The following ZNF777 variants were observed in gnomAD, a reference collection of about 807,000 sequenced individuals.
ZNF777 encodes zinc finger protein 777.
In ZNF777, 7 loss-of-function variants were observed where a neutral mutation model predicts 72.1. The observed-to-expected ratio is 0.10, with a 90% CI of 0.06 to 0.18. ZNF777 has a LOEUF of 0.18. ZNF777 is among the 10% of genes least tolerant of loss of function. The probability of loss-of-function intolerance (pLI) is 1.00; values close to 1 mark genes in which losing one functional copy is unlikely to be tolerated. For synonymous variants in ZNF777, 545 were observed against 483.5 expected (o/e 1.13, Z -1.67); for missense variants, 828 against 1,128.6 (o/e 0.73, Z 3.82).
intron 4 of ZNF777, among the ~76,000 whole-genome samples, chr7:149,444,029 A>G (rs776268104): frequency 1.2e-4 from 18 of 151,916 alleles, no homozygotes; most frequent in Non-Finnish European, 2.4e-4. Context: ...TTATATTGCT[A>G]CTCCTTGAGT....
chr7:149,455,691 G>A lies in ZNF777; in HGVS notation c.332C>T (p.Ala111Val), dbSNP rs1184777278. ...GGAGAGAAGGGAGACTTCTTGTTCA[G>A]CAGCAGCTGGGGGTGGATACTGGGT... Reference protein sequence around the residue: ...EGTQYPPPAAAEQEVSLLSHS... With the variant: ...EGTQYPPPAAVEQEVSLLSHS... The change falls in exon 2 of 6, where the codon GCT becomes GTT. Residue 111 changes from alanine (A) to valine (V), a missense_variant. Physicochemically the swap from Ala to Val is moderately conservative, Grantham distance 64. Around this residue, in one of 12 missense-constraint regions of ZNF777, gnomAD observed 222 missense variants for 211.2 expected, o/e 1.05. Transcript: ENST00000247930. The surrounding 1 kb of genome is among the most constrained non-coding windows in gnomAD (Gnocchi z 4.2). 5.7e-6 allele frequency: 9 copies of A among 1,568,556 alleles called. No individual in the cohort carries two copies. The South Asian group carries it at 5.9e-5, about 10-fold the overall frequency.
intron 4 of ZNF777, among the ~76,000 whole-genome samples, chr7:149,442,302 CAG>C (rs1378737508): frequency 2.6e-4 from 38 of 148,084 alleles, no homozygotes; most frequent in African/African-American, 8.1e-4. Flanking sequence ...CACACACACA[CAG>C]ACACACACAC....
At chr7:149,434,622 G>A (rs542655285) in intron 5 of ZNF777, among the ~76,000 whole-genome samples, 4 of 152,180 alleles carry the variant, frequency 2.6e-5, no homozygotes, top group South Asian at 2.1e-4. Flanking sequence ...TGGCTCTATC[G>A]CTCAGGCTGG....
In ZNF777 at chr7:149,460,469, C is replaced by T. The variant is rs1457440630; in HGVS notation, c.-16+346G>A. Among the ~76,000 whole-genome samples the T allele has an allele frequency of 2.0e-5, 3 of 148,524 alleles. No individual in the cohort carries two copies. The highest frequency in any genetic ancestry group is 3.0e-5 in the Non-Finnish European group (2 of 66,830). ...CGGCGGCCCCCGGCCCGCGCGCCGC[C>T]CCTCTGCGGCCGCGGCTGGGACCCC... On this transcript the variant is annotated intron_variant, in intron 1 of 5. Coordinates refer to ENST00000247930, the MANE Select transcript of ZNF777 (RefSeq NM_015694.3). The surrounding 1 kb of genome is among the most constrained non-coding windows in gnomAD (Gnocchi z 6.1).
chr7:149,448,785 G>A (rs957650929), intron 4 of ZNF777, among the ~76,000 whole-genome samples: 4 of 151,628 alleles, frequency 2.6e-5, no homozygotes, highest in Non-Finnish European at 4.4e-5. Flanking sequence ...GGCTTCTCTG[G>A]CCTCCATGGC....
At chr7:149,457,229 C>G (rs921430044) in intron 1 of ZNF777, among the ~76,000 whole-genome samples, 12 of 152,208 alleles carry the variant, frequency 7.9e-5, no homozygotes, top group African/African-American at 2.7e-4. Context: ...GGCGAAGCCA[C>G]GATCTTCTGT....
chr7:149,455,759 C>T lies in ZNF777; in HGVS notation c.264G>A (p.Glu88=). Residue 88 remains glutamate (E), a synonymous_variant, in exon 2 of 6, where the codon GAG becomes GAA. Transcript: ENST00000247930. The surrounding 1 kb of genome is among the most constrained non-coding windows in gnomAD (Gnocchi z 4.2). The part of the protein sequence containing the change: ...GPSLLCSAAS[E]QETSLQGPLA... ...GGGGGCCCTGGAGAGAAGTCTCTTG[C>T]TCAGAAGCGGCAGAACACAGGAGTG... is the stretch of plus-strand genomic sequence containing the variant. The T allele has an allele frequency of 6.3e-7, 1 of 1,597,852 alleles. No individual in the cohort carries two copies. Among genetic ancestry groups the T allele is most frequent in the Non-Finnish European group, 8.5e-7 (1 of 1,171,336 alleles).
intron 3 of ZNF777, among the ~76,000 whole-genome samples, chr7:149,451,583 T>C (rs1485053153): frequency 6.6e-6 from 1 of 151,852 alleles, no homozygotes; most frequent in Non-Finnish European, 1.5e-5. Flanking sequence ...TCCCAGCTAC[T>C]CGGGAGGCTG....
chr7:149,448,830 T>C (rs980664949), intron 4 of ZNF777, among the ~76,000 whole-genome samples: 18 of 147,398 alleles, frequency 1.2e-4, no homozygotes, highest in Admixed American at 9.2e-4. Context: ...TGGGAGCCCC[T>C]GTTCTGAGTA....
intron 5 of ZNF777, among the ~76,000 whole-genome samples, 194 bp from the exon 6 acceptor site, chr7:149,433,126 G>C (rs922404584): frequency 6.6e-6 from 1 of 152,236 alleles, no homozygotes; most frequent in African/African-American, 2.4e-5. Flanking sequence ...GCGTAACCCA[G>C]ACTGGCCTTG....
At chr7:149,438,807 T>A (rs1353746238) in intron 4 of ZNF777, among the ~76,000 whole-genome samples, 1 of 152,160 alleles carries the variant, frequency 6.6e-6, no homozygotes, top group Non-Finnish European at 1.5e-5. Context: ...CTAAGCTGGA[T>A]TCCTTCGGAT....
intron 4 of ZNF777, among the ~76,000 whole-genome samples, chr7:149,449,742 G>C (rs1799681566): frequency 6.6e-6 from 1 of 152,114 alleles, no homozygotes; most frequent in Admixed American, 6.6e-5. Flanking sequence ...GTGCCACACT[G>C]TCACCAATCC....
chr7:149,459,953 C>G, intron 1 of ZNF777: 1 of 937,652 alleles, frequency 1.1e-6, no homozygotes, highest in Non-Finnish European at 1.3e-6. Context: ...TCCCCCACCG[C>G]CCGGGTCAAG....
Position 149,432,387 on chromosome 7 carries a change from C to T in ZNF777, c.1885G>A (p.Gly629Ser). ...PRPKSPSSGS[G>S]GGGPKPYKCP... ...TTGTAGGGCTTAGGGCCACCGCCGC[C>T]GCTACCAGAGCTGGGTGACTTGGGA... Residue 629 changes from glycine (G) to serine (S), a missense_variant, in exon 6 of 6, where the codon GGC (glycine) becomes AGC (serine). Around this residue, in one of 12 missense-constraint regions of ZNF777, gnomAD observed 100 missense variants for 106.2 expected, o/e 0.94. Transcript: ENST00000247930. The T allele has an allele frequency of 6.2e-7, 1 of 1,613,310 alleles. No homozygotes were observed. The highest frequency in any genetic ancestry group is 8.5e-7 in the Non-Finnish European group (1 of 1,179,968).
At chr7:149,448,570 T>C (rs1799654128) in intron 4 of ZNF777, among the ~76,000 whole-genome samples, 3 of 66,444 alleles carry the variant, frequency 4.5e-5, no homozygotes, top group Non-Finnish European at 7.9e-5. Flanking sequence ...TATATAGTTA[T>C]ACATATAACT....
chr7:149,440,124 A>G (rs1187843007), intron 4 of ZNF777, among the ~76,000 whole-genome samples: 1 of 152,244 alleles, frequency 6.6e-6, no homozygotes, highest in East Asian at 1.9e-4. Flanking sequence ...CATGATCATC[A>G]AAAACTGTTT....
At chr7:149,459,841 G>C in intron 1 of ZNF777, 1 of 984,662 alleles carries the variant, frequency 1.0e-6, no homozygotes, top group Non-Finnish European at 1.2e-6. Context: ...GCCCCGCAGG[G>C]AGCGAGCGCG....
At chr7:149,448,078 C>T (rs1324019682) in intron 4 of ZNF777, among the ~76,000 whole-genome samples, 1 of 152,166 alleles carries the variant, frequency 6.6e-6, no homozygotes, top group Non-Finnish European at 1.5e-5. Context: ...TATATTTGTA[C>T]ATCTTAATCT....
At chr7:149,458,038 T>C (rs948284292) in intron 1 of ZNF777, among the ~76,000 whole-genome samples, 2 of 152,134 alleles carry the variant, frequency 1.3e-5, no homozygotes, top group African/African-American at 4.8e-5. Context: ...GAGGCCTGGA[T>C]ATTATTTATA....
Sources: allele counts gnomAD v4.1 joint callset (sites outside exome capture counted in the v4.1 genomes callset), GRCh38; gene constraint gnomAD v4.1.1; regional missense constraint gnomAD v4.1.1; non-coding constraint Gnocchi (gnomAD v3.1); transcripts MANE v1.5; gene names NCBI Gene and HGNC (gene_info 2026-07-23, HGNC 2026-07-21).